Variants in LRRC31 observed in about 807,000 individuals in gnomAD.
The protein encoded by LRRC31 is leucine-rich repeat-containing protein 31.
A neutral mutation model predicts 46.7 loss-of-function variants in LRRC31; 35 were observed. The observed-to-expected ratio is 0.75, with a 90% CI of 0.57 to 0.99. LRRC31 has a LOEUF of 0.99. LRRC31 is among the 50% of genes least tolerant of loss of function. The probability of loss-of-function intolerance (pLI) is 0.00; values close to 1 mark genes in which losing one functional copy is unlikely to be tolerated. For missense variants in LRRC31, 613 were observed against 626.1 expected, an observed-to-expected ratio of 0.98 and a Z score of 0.22; for synonymous variants, 236 against 235.1, an observed-to-expected ratio of 1.00 and a Z score of -0.03.
rs182877329 is a variant in LRRC31, at chr3:169,865,425, G to T, written c.176-3612C>A. On this transcript the variant is annotated intron_variant, in intron 1 of 8. Coordinates refer to ENST00000316428, the MANE Select transcript of LRRC31 (RefSeq NM_024727.4). Reference sequence around the variant, plus strand: ...CAGGAGCCGCTCTGTGGAGATTGAGGCCTTTTCCTAGCTGTGTTAGCTCTG... The same window carrying T: ...CAGGAGCCGCTCTGTGGAGATTGAGTCCTTTTCCTAGCTGTGTTAGCTCTG... Among the ~76,000 whole-genome samples, 20 of 150,386 alleles carry T rather than the reference G, an allele frequency of 1.3e-4. No homozygotes were observed. The East Asian group carries it at 3.9e-3, about 29-fold the overall frequency.
At chr3:169,855,032 T>C (rs751907070) in intron 5 of LRRC31, 52 bp from the exon 6 acceptor site, 2 of 1,507,670 alleles carry the variant, frequency 1.3e-6, no homozygotes, top group South Asian at 2.3e-5. Context: ...GTGGTGTACC[T>C]ATAGTCCCAG....
chr3:169,845,041 G>A (rs1780563968), intron 8 of LRRC31, among the ~76,000 whole-genome samples: 1 of 151,816 alleles, frequency 6.6e-6, no homozygotes, highest in Admixed American at 6.6e-5. Flanking sequence ...GCTAACAGAT[G>A]AGTTTAGCAA....
intron 7 of LRRC31, among the ~76,000 whole-genome samples, chr3:169,850,350 G>A (rs1186761716): frequency 6.6e-6 from 1 of 152,110 alleles, no homozygotes; most frequent in African/African-American, 2.4e-5. Context: ...TCCTCACCAT[G>A]TCCTGCTCCC....
At position 169,856,396 on chromosome 3, in the gene LRRC31, T is replaced by C; in HGVS notation, c.763A>G (p.Asn255Asp). 6.2e-7 allele frequency: 1 copy of C among 1,607,012 alleles called. No individual in the cohort carries two copies. Among genetic ancestry groups the C allele is most frequent in the South Asian group, 1.1e-5 (1 of 89,700 alleles). ...SIAQGLKSTSNLKVLKLHSCG... is the reference protein window; with the variant it reads ...SIAQGLKSTSDLKVLKLHSCG... ...GAATGTAACTTCAGTACTTTCAGAT[T>C]TGAGGTGCTTTTTAATCCCTGAGCA... Residue 255 changes from asparagine to aspartate, a missense_variant, in exon 5 of 9, where the codon AAT (asparagine) becomes GAT (aspartate). Coordinates refer to ENST00000316428, the MANE Select transcript of LRRC31 (RefSeq NM_024727.4).
intron 1 of LRRC31, among the ~76,000 whole-genome samples, chr3:169,865,125 G>A (rs1781290968): frequency 6.6e-6 from 1 of 150,976 alleles, no homozygotes; most frequent in Admixed American, 6.6e-5. Flanking sequence ...AGTGGCGGGT[G>A]CCTGTAGTCC....
chr3:169,842,780 A>C (rs1780490433), intron 8 of LRRC31, among the ~76,000 whole-genome samples: 1 of 152,234 alleles, frequency 6.6e-6, no homozygotes, highest in Admixed American at 6.5e-5. Flanking sequence ...GGCTGAAGAC[A>C]TGGTGAATAA....
At chr3:169,855,124 T>C (rs1356818280) in intron 5 of LRRC31, 144 bp from the exon 6 acceptor site, 3 of 608,560 alleles carry the variant, frequency 4.9e-6, no homozygotes, top group Non-Finnish European at 5.6e-6. Context: ...GATCCATCTC[T>C]TAAAAAAAGA....
chr3:169,841,255 G>A (rs1248991542), intron 8 of LRRC31, among the ~76,000 whole-genome samples: 1 of 152,210 alleles, frequency 6.6e-6, no homozygotes, highest in Non-Finnish European at 1.5e-5. Context: ...TCAGTCAGCT[G>A]TAACATTCAG....
At position 169,851,798 on chromosome 3, in the gene LRRC31, A is replaced by T. The variant is rs762864339; in HGVS notation, c.992-12T>A. The T allele has an allele frequency of 6.2e-7, 1 of 1,613,460 alleles. No homozygotes were observed. The highest frequency in any genetic ancestry group is 8.5e-7 in the Non-Finnish European group (1 of 1,179,700). Reference sequence around the variant, plus strand: ...AGGAATGACCTGGGCTGTTAAAAATATCAACAGTGACATGTTTTAGGCACC... The same window carrying T: ...AGGAATGACCTGGGCTGTTAAAAATTTCAACAGTGACATGTTTTAGGCACC... On this transcript the variant is annotated splice_polypyrimidine_tract_variant and intron_variant, in intron 6 of 8. Coordinates refer to ENST00000316428, the MANE Select transcript of LRRC31 (RefSeq NM_024727.4).
At chr3:169,856,990 G>A in intron 3 of LRRC31, 118 bp from the exon 4 acceptor site, 2 of 883,900 alleles carry the variant, frequency 2.3e-6, no homozygotes, top group Non-Finnish European at 3.3e-6. Flanking sequence ...GTACTGTCCT[G>A]TTTGGCACCG....
chr3:169,860,749 A>G (rs772882715), intron 2 of LRRC31, 21 bp from the exon 3 acceptor site: 3 of 1,609,654 alleles, frequency 1.9e-6, no homozygotes, highest in Non-Finnish European at 2.6e-6. Context: ...ACAGAAGAAA[A>G]TACAGATATG....
In LRRC31 at chr3:169,856,732, G is replaced by A. The variant is rs1305056127; in HGVS notation, c.628C>T (p.Leu210Phe). ...IQMIELVDCS[L>F]TSEDGTFLGQ... ...AGAAATGTCCCATCTTCTGACGTGA[G>A]GGAGCAATCCACAAGCTCAATCATT... Residue 210 changes from leucine to phenylalanine, a missense_variant, in exon 4 of 9, where the codon CTC (leucine) becomes TTC (phenylalanine). By Grantham distance (22) the Leu-to-Phe change is conservative. Transcript: ENST00000316428. 5 of 1,594,996 alleles carry A rather than the reference G, an allele frequency of 3.1e-6. No homozygotes were observed. The East Asian group carries it at 9.1e-5, about 29-fold the overall frequency.
At chr3:169,866,566 T>C (rs1220758396) in intron 1 of LRRC31, among the ~76,000 whole-genome samples, 2 of 152,228 alleles carry the variant, frequency 1.3e-5, no homozygotes, top group Admixed American at 1.3e-4. Flanking sequence ...TATAAAAACA[T>C]ACTTAAAATA....
chr3:169,851,795 A>C lies in LRRC31; in HGVS notation c.992-9T>G. On this transcript the variant is annotated splice_polypyrimidine_tract_variant and intron_variant, in intron 6 of 8. Coordinates refer to ENST00000316428, the MANE Select transcript of LRRC31 (RefSeq NM_024727.4). ...TAAAGGAATGACCTGGGCTGTTAAA[A>C]ATATCAACAGTGACATGTTTTAGGC... 6.2e-7 allele frequency: 1 copy of C among 1,613,600 alleles called. No homozygotes were observed. The highest frequency in any genetic ancestry group is 8.5e-7 in the Non-Finnish European group (1 of 1,179,774).
chr3:169,867,181 G>C (rs1192197690), intron 1 of LRRC31, among the ~76,000 whole-genome samples: 2 of 149,806 alleles, frequency 1.3e-5, no homozygotes, highest in African/African-American at 2.5e-5. Context: ...CTCCAGAGTA[G>C]CTAGGACCAC....
chr3:169,850,032 G>C (rs1413368380), intron 7 of LRRC31, among the ~76,000 whole-genome samples: 1 of 152,060 alleles, frequency 6.6e-6, no homozygotes, highest in Non-Finnish European at 1.5e-5. Flanking sequence ...GTGCTTCCTG[G>C]ATAATGCTAA....
At chr3:169,842,974 T>C (rs533844204) in intron 8 of LRRC31, among the ~76,000 whole-genome samples, 2 of 152,360 alleles carry the variant, frequency 1.3e-5, no homozygotes, top group South Asian at 4.1e-4. Flanking sequence ...GTCAGAATTC[T>C]AAATAGCCAC....
Position 169,848,198 on chromosome 3 carries a change from T to C in LRRC31, c.1249A>G (p.Thr417Ala). The change falls in exon 8 of 9, where the codon ACA (threonine) becomes GCA (alanine). Residue 417 changes from threonine to alanine, a missense_variant. Physicochemically the swap from Thr to Ala is moderately conservative, Grantham distance 58. Coordinates refer to ENST00000316428, the MANE Select transcript of LRRC31 (RefSeq NM_024727.4). ...TGAAGAGACATGGAAAGCTTTAGTGTTTCCAGAAGCAGCTTCAAGTTGCCA... is the reference window on the plus strand; with the variant it reads ...TGAAGAGACATGGAAAGCTTTAGTGCTTCCAGAAGCAGCTTCAAGTTGCCA... Reference protein sequence around the residue: ...VGGNLKLLLETLKLSMSLQVL... With the variant: ...VGGNLKLLLEALKLSMSLQVL... The C allele has an allele frequency of 6.2e-7, 1 of 1,614,192 alleles. No homozygotes were observed. The highest frequency in any genetic ancestry group is 8.5e-7 in the Non-Finnish European group (1 of 1,180,034).
At chr3:169,853,233 G>A in intron 6 of LRRC31, 17 of 985,216 alleles carry the variant, frequency 1.7e-5, no homozygotes, top group Non-Finnish European at 1.9e-5. Context: ...ATTGCTTAAA[G>A]GATCTATAAT....
Sources: gnomAD v4.1 joint callset for allele counts (sites outside exome capture counted in the v4.1 genomes callset) on GRCh38, gnomAD v4.1.1 for gene constraint, MANE v1.5 for transcripts, NCBI Gene and HGNC (gene_info 2026-07-23, HGNC 2026-07-21) for gene names.